Variants in RXRA observed in about 807,000 individuals in gnomAD.
RXRA encodes retinoid X receptor alpha, also known as retinoic acid receptor RXR-alpha.
Under a neutral mutation model 44.5 loss-of-function variants are expected in RXRA, and 5 were observed. That is an observed-to-expected ratio of 0.11 (90% CI 0.06 to 0.24). RXRA has a LOEUF of 0.24. Ranked by LOEUF, RXRA falls within the 10% of genes least tolerant of loss-of-function variation. The probability of loss-of-function intolerance (pLI) is 1.00; values close to 1 mark genes in which losing one functional copy is unlikely to be tolerated. For synonymous variants in RXRA, 291 were observed against 271.4 expected (o/e 1.07, Z -0.71); for missense variants, 412 against 646.5 (o/e 0.64, Z 3.93).
chr9:134,415,137 G>T (rs1413599758), intron 4 of RXRA, among the ~76,000 whole-genome samples: 1 of 152,256 alleles, frequency 6.6e-6, no homozygotes, highest in African/African-American at 2.4e-5. Context: ...CTGGGGATGG[G>T]CCTCCCCGCC....
chr9:134,406,023 C>T (rs1831044875), intron 2 of RXRA: 1 of 152,318 alleles, frequency 6.6e-6, no homozygotes, highest in Non-Finnish European at 1.5e-5. Context: ...CACCGGCCTC[C>T]CTGTAAGACA....
chr9:134,356,692 C>T (rs556762895), intron 1 of RXRA, among the ~76,000 whole-genome samples: 2 of 152,332 alleles, frequency 1.3e-5, no homozygotes, highest in African/African-American at 4.8e-5. Context: ...ATTAGCCATC[C>T]TTGGCTGCCT....
chr9:134,387,867 C>T (rs1337235502), intron 1 of RXRA, among the ~76,000 whole-genome samples: 3 of 152,184 alleles, frequency 2.0e-5, no homozygotes, highest in Admixed American at 2.0e-4. Context: ...TCGTGAAGGC[C>T]CGTTCCCAGC....
At chr9:134,336,043 C>T (rs1336396338) in intron 1 of RXRA, among the ~76,000 whole-genome samples, 20 of 152,158 alleles carry the variant, frequency 1.3e-4, no homozygotes, top group African/African-American at 4.3e-4. Flanking sequence ...GGAGCTGCCC[C>T]TACCCCACCC....
intron 7 of RXRA, among the ~76,000 whole-genome samples, chr9:134,429,777 C>A (rs1379390301): frequency 2.0e-5 from 3 of 152,222 alleles, no homozygotes; most frequent in African/African-American, 7.2e-5. Context: ...AGGGCCCACC[C>A]TCGTCCGGGC....
At chr9:134,424,080 G>A (rs963842240) in intron 6 of RXRA, 20 of 985,290 alleles carry the variant, frequency 2.0e-5, no homozygotes, top group Non-Finnish European at 2.4e-5. Context: ...GCCTGTGTGG[G>A]GTGTTCGTGG....
rs201130796 is a variant in RXRA at position 134,422,058 on chromosome 9, C to A, written c.910+253C>A. On this transcript the variant is annotated intron_variant, in intron 6 of 9. Transcript: ENST00000481739. Reference sequence around the variant, plus strand: ...TGCTCCCATCTCCCAGGACGCTCCCCTCTCCCAGGACGCTCCCCTCTCCCA... The same window carrying A: ...TGCTCCCATCTCCCAGGACGCTCCCATCTCCCAGGACGCTCCCCTCTCCCA... The A allele has an allele frequency of 4.9e-5, 65 of 1,337,610 alleles. 1 individual carries two copies. The South Asian group carries it at 4.9e-4, about 10-fold the overall frequency. 82.9% of individuals were successfully genotyped at this position (1,337,610 alleles called of 1,614,324 possible).
chr9:134,438,938 C>G lies in RXRA; in HGVS notation c.*2324C>G, dbSNP rs1475053390. 1 of 152,326 alleles carries G rather than the reference C, an allele frequency of 6.6e-6. No homozygotes were observed. Among genetic ancestry groups the G allele is most frequent in the Non-Finnish European group, 1.5e-5 (1 of 68,100 alleles). The allele number at this position is 152,326 out of a possible 1,614,324, so 9.4% of individuals were successfully genotyped here. A position where few individuals can be genotyped will look rare whatever the true frequency, so the allele number is the denominator to read the frequency against. On this transcript the variant is annotated 3_prime_UTR_variant, in exon 10 of 10. Coordinates refer to ENST00000481739, the MANE Select transcript of RXRA (RefSeq NM_002957.6). ...GGCCTCCCTGGCCACAGCAGCCTTACCCACCGCTCTACGTGTCCCGGGCAC... is the reference window on the plus strand; with the variant it reads ...GGCCTCCCTGGCCACAGCAGCCTTAGCCACCGCTCTACGTGTCCCGGGCAC...
At chr9:134,327,869 A>C (rs1243539695) in intron 1 of RXRA, among the ~76,000 whole-genome samples, 1 of 152,058 alleles carries the variant, frequency 6.6e-6, no homozygotes, top group Admixed American at 6.5e-5. Flanking sequence ...GTCAGACCTA[A>C]CGCTTACTCC....
intron 5 of RXRA, 134 bp from the exon 6 acceptor site, chr9:134,421,542 G>T (rs1300332865): frequency 2.9e-6 from 3 of 1,024,776 alleles, no homozygotes; most frequent in African/African-American, 3.2e-5. Context: ...TGGGGATTGG[G>T]GCCTGGGCAT....
intron 1 of RXRA, among the ~76,000 whole-genome samples, chr9:134,356,955 GGCCCAT>G (rs1313585661): frequency 4.6e-5 from 7 of 152,204 alleles, no homozygotes; most frequent in African/African-American, 7.2e-5. Flanking sequence ...GGTGGCCCAA[GGCCCAT>G]GCCCATGCCC....
At chr9:134,354,844 C>T (rs1830264408) in intron 1 of RXRA, among the ~76,000 whole-genome samples, 1 of 152,272 alleles carries the variant, frequency 6.6e-6, no homozygotes, top group Admixed American at 6.5e-5. Context: ...CTCTCCCCGT[C>T]CCATAGGCCT....
chr9:134,358,335 C>T (rs935155279), intron 1 of RXRA, among the ~76,000 whole-genome samples: 3 of 152,212 alleles, frequency 2.0e-5, no homozygotes, highest in Non-Finnish European at 4.4e-5. Flanking sequence ...AGGCAGGAGC[C>T]ACAGCTCAGG....
intron 1 of RXRA, among the ~76,000 whole-genome samples, chr9:134,361,796 C>T (rs895523418): frequency 1.4e-4 from 21 of 152,144 alleles, no homozygotes; most frequent in African/African-American, 1.9e-4. Context: ...CAGAATGTTC[C>T]GGAACAGGGG....
At chr9:134,375,936 C>CGCCA (rs1258538883) in intron 1 of RXRA, among the ~76,000 whole-genome samples, 1 of 138,154 alleles carries the variant, frequency 7.2e-6, no homozygotes, top group African/African-American at 3.0e-5. Flanking sequence ...GCCGGCCGCC[C>CGCCA]TCCCTCCCTC....
chr9:134,414,006 C>T (rs1342979507), intron 4 of RXRA, among the ~76,000 whole-genome samples: 1 of 152,174 alleles, frequency 6.6e-6, no homozygotes, highest in Non-Finnish European at 1.5e-5. Flanking sequence ...TTACAGACAC[C>T]TCCCGCCCGG....
rs1588288637 is a variant in RXRA at position 134,401,442 on chromosome 9, G to A, written c.29-190G>A. On this transcript the variant is annotated intron_variant, in intron 1 of 9. Transcript: ENST00000481739. Reference sequence around the variant, plus strand: ...AGGCGCAGAACAGTACCTTGGAGGGGAGCTCTGGGCACACCTGGCCCGTAG... The same window carrying A: ...AGGCGCAGAACAGTACCTTGGAGGGAAGCTCTGGGCACACCTGGCCCGTAG... The A allele has an allele frequency of 5.9e-6, 5 of 843,166 alleles. No individual in the cohort carries two copies. In the East Asian group the frequency reaches 9.8e-5, roughly 16 times the overall value. The allele number at this position is 843,166 out of a possible 1,614,324, so 52.2% of individuals were successfully genotyped here. A position where few individuals can be genotyped will look rare whatever the true frequency, so the allele number is the denominator to read the frequency against.
At chr9:134,436,387 C>T (rs1298606540) in intron 9 of RXRA, 80 bp from the exon 10 acceptor site, 4 of 1,433,484 alleles carry the variant, frequency 2.8e-6, no homozygotes, top group Non-Finnish European at 3.9e-6. Flanking sequence ...GACACAGCCC[C>T]ATCCCCAGGG....
At chr9:134,408,544 G>A (rs1564288989) in intron 3 of RXRA, among the ~76,000 whole-genome samples, 2 of 152,248 alleles carry the variant, frequency 1.3e-5, no homozygotes, top group Non-Finnish European at 2.9e-5. Context: ...CTTCCGGAGA[G>A]GAGGTGGCTG....
Sources: gnomAD v4.1 joint callset for allele counts (sites outside exome capture counted in the v4.1 genomes callset) on GRCh38, gnomAD v4.1.1 for gene constraint, MANE v1.5 for transcripts, NCBI Gene and HGNC (gene_info 2026-07-23, HGNC 2026-07-21) for gene names.